PLPPR1: variants seen among roughly 807,000 people sequenced by gnomAD.
PLPPR1 encodes the protein phospholipid phosphatase-related protein type 1.
In PLPPR1, 10 loss-of-function variants were observed where a neutral mutation model predicts 33.1. That is an observed-to-expected ratio of 0.30 (90% CI 0.19 to 0.51). The LOEUF (loss-of-function observed/expected upper bound fraction) is 0.51. Among genes scored for constraint, PLPPR1 ranks in the 20% least tolerant of loss-of-function variants. The pLI is 0.97. For missense variants in PLPPR1, 304 were observed against 408.1 expected, an observed-to-expected ratio of 0.74 and a Z score of 2.20; for synonymous variants, 151 against 151.0, an observed-to-expected ratio of 1.00 and a Z score of 0.00.
intron 1 of PLPPR1, among the ~76,000 whole-genome samples, chr9:101,130,063 G>T (rs993063400): frequency 1.3e-5 from 2 of 152,104 alleles, no homozygotes; most frequent in Non-Finnish European, 1.5e-5. Flanking sequence ...ACTTTTTGGG[G>T]ATATGGAAAT....
intron 1 of PLPPR1, among the ~76,000 whole-genome samples, chr9:101,066,462 T>TG (rs1455094643): frequency 6.6e-6 from 1 of 151,500 alleles, no homozygotes; most frequent in Non-Finnish European, 1.5e-5. Flanking sequence ...CTTCATGGGG[T>TG]GGGGGTGGGG....
chr9:101,282,623 C>A (rs1200948873), intron 3 of PLPPR1, among the ~76,000 whole-genome samples: 1 of 152,126 alleles, frequency 6.6e-6, no homozygotes, highest in Admixed American at 6.6e-5. Flanking sequence ...TTAAATTTTC[C>A]TTGTTTGCAT....
chr9:101,323,469 C>CA (rs11339430), intron 7 of PLPPR1, among the ~76,000 whole-genome samples: 4,960 of 93,660 alleles, frequency 0.053, 138 homozygotes, highest in Middle Eastern at 0.11. Context: ...AACCCTGTCT[C>CA]AAAAAAAAAA....
At chr9:101,237,727 TATATAGCCTATATATATATATAC>T (rs1446555438) in intron 2 of PLPPR1, among the ~76,000 whole-genome samples, 2 of 141,526 alleles carry the variant, frequency 1.4e-5, no homozygotes, top group Non-Finnish European at 3.1e-5. Context: ...TATGTGTGTG[TATATAGCCTATATATATATATAC>T]ATATAGGCTA....
intron 7 of PLPPR1, among the ~76,000 whole-genome samples, chr9:101,321,466 T>C (rs1309237558): frequency 6.6e-6 from 1 of 152,128 alleles, no homozygotes; most frequent in Non-Finnish European, 1.5e-5. Flanking sequence ...TAAACAATTA[T>C]AAAACAAAAA....
At chr9:101,044,004 T>TA (rs960131006) in intron 1 of PLPPR1, among the ~76,000 whole-genome samples, 57 of 152,212 alleles carry the variant, frequency 3.7e-4, no homozygotes, top group African/African-American at 1.3e-3. Context: ...AAAACAAAGA[T>TA]AAATAGGTGA....
chr9:101,056,335 C>T (rs1830277869), intron 1 of PLPPR1, among the ~76,000 whole-genome samples: 1 of 152,082 alleles, frequency 6.6e-6, no homozygotes, highest in Non-Finnish European at 1.5e-5. Context: ...TAGTAAGTTA[C>T]AGTGATAGAT....
chr9:101,176,717 T>C (rs984954366), intron 1 of PLPPR1, among the ~76,000 whole-genome samples: 2 of 152,284 alleles, frequency 1.3e-5, no homozygotes, highest in South Asian at 4.1e-4. Context: ...AAAGTGACAT[T>C]CCGCCTCTAC....
intron 3 of PLPPR1, among the ~76,000 whole-genome samples, chr9:101,279,735 A>G (rs1828262263): frequency 6.6e-6 from 1 of 152,138 alleles, no homozygotes; most frequent in Non-Finnish European, 1.5e-5. Context: ...AATGAATAAG[A>G]AAGAAGTTAA....
chr9:101,229,462 C>T (rs1033212235), intron 2 of PLPPR1, among the ~76,000 whole-genome samples: 1 of 151,928 alleles, frequency 6.6e-6, no homozygotes, highest in Non-Finnish European at 1.5e-5. Context: ...AAAAGAAAAA[C>T]TCATCAAATG....
At chr9:101,107,020 C>A (rs10989406) in intron 1 of PLPPR1, among the ~76,000 whole-genome samples, 5,733 of 61,566 alleles carry the variant, frequency 0.093, 455 homozygotes, top group Non-Finnish European at 0.11. Context: ...AAGCACTTCT[C>A]TGTATTGGTT....
intron 2 of PLPPR1, among the ~76,000 whole-genome samples, chr9:101,253,008 TA>T (rs1827739248): frequency 6.6e-6 from 1 of 152,134 alleles, no homozygotes; most frequent in Non-Finnish European, 1.5e-5. Context: ...AAAACTCTTT[TA>T]AAAAGATTTG....
rs140868274 is a variant in PLPPR1 at position 101,043,538 on chromosome 9, C to T, written c.-46+14436C>T. 5.0e-3 allele frequency among the ~76,000 whole-genome samples: 757 copies of T among 152,022 alleles called. 6 individuals are homozygous for T. Among genetic ancestry groups the T allele is most frequent in the African/African-American group, 0.017 (725 of 41,472 alleles). ...ATCAGTCACAGTTTCTTTATCCACT[C>T]GTTGACTGATGGGTATTTCGGCTGT... On this transcript the variant is annotated intron_variant, in intron 1 of 7. Transcript: ENST00000374874.
intron 1 of PLPPR1, among the ~76,000 whole-genome samples, chr9:101,059,251 C>T (rs1006188672): frequency 7.2e-5 from 11 of 152,068 alleles, no homozygotes; most frequent in African/African-American, 2.7e-4. Flanking sequence ...TGTTTATACA[C>T]ACTCAAGAAG....
chr9:101,205,862 A>ATGAGT (rs2118757134), intron 2 of PLPPR1, among the ~76,000 whole-genome samples: 1 of 152,348 alleles, frequency 6.6e-6, no homozygotes, highest in Admixed American at 6.5e-5. Context: ...TCAGACAAAC[A>ATGAGT]TGAGTTTTAC....
intron 1 of PLPPR1, among the ~76,000 whole-genome samples, chr9:101,075,909 A>C (rs1317946665): frequency 1.3e-5 from 2 of 152,110 alleles, no homozygotes; most frequent in African/African-American, 4.8e-5. Context: ...AGTGAGAACA[A>C]GTTTAGTCAG....
chr9:101,161,007 CA>C (rs1465396450), intron 1 of PLPPR1, among the ~76,000 whole-genome samples: 1 of 151,912 alleles, frequency 6.6e-6, no homozygotes, highest in African/African-American at 2.4e-5. Flanking sequence ...ACTTGTGCTT[CA>C]ATGAATAGCA....
intron 7 of PLPPR1, among the ~76,000 whole-genome samples, chr9:101,318,657 C>T (rs34553293): frequency 0.27 from 40,317 of 151,796 alleles, 5,628 homozygotes; most frequent in African/African-American, 0.34. Context: ...GCCTGTAGTC[C>T]CAGCTACTCC....
chr9:101,226,831 G>C (rs1248743359), intron 2 of PLPPR1, among the ~76,000 whole-genome samples: 1 of 152,060 alleles, frequency 6.6e-6, no homozygotes, highest in Non-Finnish European at 1.5e-5. Context: ...ATGTCCTTGA[G>C]GGCCAGAAGG....
Sources: gnomAD v4.1 joint callset for allele counts (sites outside exome capture counted in the v4.1 genomes callset) on GRCh38, gnomAD v4.1.1 for gene constraint, MANE v1.5 for transcripts, NCBI Gene and HGNC (gene_info 2026-07-23, HGNC 2026-07-21) for gene names.